Variants in ZMAT4 observed in about 807,000 individuals in gnomAD.
ZMAT4 encodes zinc finger matrin-type protein 4.
In ZMAT4, 17 loss-of-function variants were observed where a neutral mutation model predicts 28.7. That is an observed-to-expected ratio of 0.59 (90% CI 0.41 to 0.89). The LOEUF (loss-of-function observed/expected upper bound fraction) is 0.89. Among genes scored for constraint, ZMAT4 ranks in the 40% least tolerant of loss-of-function variants. The pLI is 0.00. For missense variants in ZMAT4, 240 were observed against 283.8 expected (o/e 0.85, Z 1.11); for synonymous variants, 117 against 109.2 (o/e 1.07, Z -0.44).
intron 2 of ZMAT4, among the ~76,000 whole-genome samples, chr8:40,803,257 G>T (rs946376516): frequency 2.6e-5 from 4 of 152,086 alleles, no homozygotes; most frequent in Admixed American, 1.3e-4. Context: ...TCTATTGTGT[G>T]AAAAACATTG....
intron 3 of ZMAT4, among the ~76,000 whole-genome samples, chr8:40,713,444 G>GA (rs199972969): frequency 0.019 from 2,698 of 138,852 alleles, 79 homozygotes; most frequent in African/African-American, 0.066. Flanking sequence ...GGTAATGGTA[G>GA]AAAAAAAAAA....
intron 5 of ZMAT4, among the ~76,000 whole-genome samples, chr8:40,644,089 G>C (rs921108541): frequency 6.6e-6 from 1 of 152,034 alleles, no homozygotes; most frequent in African/African-American, 2.4e-5. Flanking sequence ...GTAGAAAATA[G>C]GTTGAAGAGG....
intron 6 of ZMAT4, among the ~76,000 whole-genome samples, chr8:40,571,159 T>C (rs781242504): frequency 2.6e-5 from 4 of 152,024 alleles, no homozygotes; most frequent in Non-Finnish European, 5.9e-5. Context: ...TTAAGTGTCA[T>C]CGGTAATTCT....
intron 5 of ZMAT4, among the ~76,000 whole-genome samples, chr8:40,596,118 A>T (rs1012759379): frequency 6.6e-6 from 1 of 151,934 alleles, no homozygotes; most frequent in African/African-American, 2.4e-5. Flanking sequence ...AACAAAAAAA[A>T]CCCCACAATA....
At chr8:40,763,693 C>T (rs980744197) in intron 3 of ZMAT4, among the ~76,000 whole-genome samples, 3 of 152,100 alleles carry the variant, frequency 2.0e-5, no homozygotes, top group Non-Finnish European at 2.9e-5. Flanking sequence ...TTTATTTTCA[C>T]CTTTGTAATA....
intron 3 of ZMAT4, among the ~76,000 whole-genome samples, chr8:40,705,041 G>T (rs1810295430): frequency 6.6e-6 from 1 of 152,166 alleles, no homozygotes; most frequent in Admixed American, 6.5e-5. Flanking sequence ...ACACTCTGTG[G>T]ATGAAAACTC....
intron 1 of ZMAT4, among the ~76,000 whole-genome samples, chr8:40,880,587 A>G (rs978323414): frequency 6.6e-6 from 1 of 152,048 alleles, no homozygotes; most frequent in Non-Finnish European, 1.5e-5. Context: ...CTTGCCTTGA[A>G]TCATCTCCCT....
chr8:40,743,285 T>C (rs1812089526), intron 3 of ZMAT4, among the ~76,000 whole-genome samples: 1 of 152,206 alleles, frequency 6.6e-6, no homozygotes, highest in Non-Finnish European at 1.5e-5. Context: ...GATTGCATCG[T>C]TTCAGTGAAC....
chr8:40,654,105 A>G (rs1022217400), intron 5 of ZMAT4, among the ~76,000 whole-genome samples: 3 of 152,304 alleles, frequency 2.0e-5, no homozygotes, highest in Admixed American at 6.5e-5. Flanking sequence ...TGTTTTGCAT[A>G]ACCTGTGAAA....
intron 5 of ZMAT4, among the ~76,000 whole-genome samples, chr8:40,595,037 T>C (rs756505983): frequency 7.2e-5 from 11 of 152,224 alleles, no homozygotes; most frequent in Non-Finnish European, 1.3e-4. Flanking sequence ...GGTTATTAAA[T>C]GGGTAATTAG....
intron 1 of ZMAT4, among the ~76,000 whole-genome samples, chr8:40,874,020 T>C (rs1217293202): frequency 6.6e-6 from 1 of 152,184 alleles, no homozygotes; most frequent in African/African-American, 2.4e-5. Context: ...CTGTGGGATT[T>C]GAGCTGCATT....
chr8:40,667,599 C>T (rs1808474984), intron 5 of ZMAT4, among the ~76,000 whole-genome samples: 1 of 152,124 alleles, frequency 6.6e-6, no homozygotes, highest in African/African-American at 2.4e-5. Context: ...AGAAAGTGAT[C>T]TCTCGAGGTT....
At chr8:40,846,806 G>A (rs1816917498) in intron 1 of ZMAT4, among the ~76,000 whole-genome samples, 1 of 152,032 alleles carries the variant, frequency 6.6e-6, no homozygotes, top group Admixed American at 6.5e-5. Flanking sequence ...TTTAACGGCA[G>A]GAGGAGTTCA....
chr8:40,533,009 C>T (rs995619239), intron 6 of ZMAT4, among the ~76,000 whole-genome samples: 2 of 151,934 alleles, frequency 1.3e-5, no homozygotes, highest in Non-Finnish European at 2.9e-5. Flanking sequence ...TCTTTCTGGC[C>T]TTACTTGCAA....
intron 5 of ZMAT4, among the ~76,000 whole-genome samples, chr8:40,642,298 G>A (rs768318134): frequency 4.6e-5 from 7 of 152,124 alleles, no homozygotes; most frequent in Admixed American, 3.3e-4. Flanking sequence ...CTGTTCTAGC[G>A]GGTGAACATT....
Position 40,609,699 on chromosome 8 carries a change from A to G in ZMAT4, c.578-28438T>C, listed in dbSNP as rs541831485. Reference sequence around the variant, plus strand: ...CTGGATTCTTCTCAATTTTCTTCTTACCTATTCTCACTTTCTTGATTTCTT... The same window carrying G: ...CTGGATTCTTCTCAATTTTCTTCTTGCCTATTCTCACTTTCTTGATTTCTT... On this transcript the variant is annotated intron_variant, in intron 5 of 6. Coordinates refer to ENST00000297737, the MANE Select transcript of ZMAT4 (RefSeq NM_024645.3). Among the ~76,000 whole-genome samples the G allele has an allele frequency of 6.6e-5, 10 of 151,874 alleles. No individual in the cohort carries two copies. In the South Asian group the frequency reaches 2.1e-3, roughly 32 times the overall value.
At chr8:40,873,934 G>C (rs1422894252) in intron 1 of ZMAT4, among the ~76,000 whole-genome samples, 5 of 152,134 alleles carry the variant, frequency 3.3e-5, no homozygotes, top group African/African-American at 9.7e-5. Flanking sequence ...CCCAGCGTGC[G>C]TGATCCTGTT....
chr8:40,617,387 C>T (rs1215261294), intron 5 of ZMAT4, among the ~76,000 whole-genome samples: 1 of 152,168 alleles, frequency 6.6e-6, no homozygotes, highest in Non-Finnish European at 1.5e-5. Flanking sequence ...ACAAGAAGAA[C>T]CTAATGCACA....
At chr8:40,868,931 C>T (rs915108529) in intron 1 of ZMAT4, among the ~76,000 whole-genome samples, 1 of 152,196 alleles carries the variant, frequency 6.6e-6, no homozygotes, top group East Asian at 1.9e-4. Flanking sequence ...TTAAAATCGG[C>T]AGTATTGCCC....
Sources: gnomAD v4.1 joint callset for allele counts (sites outside exome capture counted in the v4.1 genomes callset) on GRCh38, gnomAD v4.1.1 for gene constraint, MANE v1.5 for transcripts, NCBI Gene and HGNC (gene_info 2026-07-23, HGNC 2026-07-21) for gene names.